RANBP2: variants seen among roughly 807,000 people sequenced by gnomAD.
RANBP2 encodes the protein E3 SUMO-protein ligase RanBP2.
Under a neutral mutation model 303.6 loss-of-function variants are expected in RANBP2, and 57 were observed. The ratio of observed to expected loss-of-function variants is 0.19; its 90% CI spans 0.15 to 0.23. RANBP2 has a LOEUF of 0.23. Among genes scored for constraint, RANBP2 ranks in the 10% least tolerant of loss-of-function variants. RANBP2 has a pLI of 1.00. For synonymous variants in RANBP2, 1,167 were observed against 1,301.5 expected (o/e 0.90, Z 2.23); for missense variants, 3,138 against 3,780.8 (o/e 0.83, Z 4.46).
At chr2:109,117,408 G>A in the RANBP2 span, among the ~76,000 whole-genome samples, 4 of 152,244 alleles carry the variant, frequency 2.6e-5, no homozygotes, top group African/African-American at 4.8e-5. Flanking sequence ...AGCAATCAGC[G>A]AGACTCCATG....
chr2:108,971,974 G>A, the RANBP2 span, among the ~76,000 whole-genome samples: 5 of 152,172 alleles, frequency 3.3e-5, no homozygotes, highest in Non-Finnish European at 7.3e-5. Context: ...GGGAGCTCCC[G>A]TGGCCCGGAG....
chr2:109,146,609 C>T, the RANBP2 span, among the ~76,000 whole-genome samples: 25 of 152,184 alleles, frequency 1.6e-4, no homozygotes, highest in Admixed American at 9.8e-4. Flanking sequence ...AGCCCTTCCT[C>T]CACCATGGGT....
the RANBP2 span, among the ~76,000 whole-genome samples, chr2:109,442,307 C>T: frequency 1.4e-5 from 2 of 138,452 alleles, no homozygotes; most frequent in African/African-American, 5.6e-5. Context: ...TGAGACTCCA[C>T]CTCAAAAAAA....
chr2:109,666,268 C>G, the RANBP2 span, among the ~76,000 whole-genome samples: 1 of 152,026 alleles, frequency 6.6e-6, no homozygotes, highest in African/African-American at 2.4e-5. Flanking sequence ...TTAAAACATA[C>G]TTAGGATGTG....
the RANBP2 span, among the ~76,000 whole-genome samples, chr2:108,871,592 A>G: frequency 6.6e-6 from 1 of 152,024 alleles, no homozygotes; most frequent in South Asian, 2.1e-4. Context: ...AAGCAAGATA[A>G]AAAACATTGT....
the RANBP2 span, among the ~76,000 whole-genome samples, chr2:109,693,338 GTTTT>G: frequency 6.6e-6 from 1 of 151,938 alleles, no homozygotes; most frequent in Non-Finnish European, 1.5e-5. Context: ...ATGCCCAGCT[GTTTT>G]TTTCTATTTT....
the RANBP2 span, among the ~76,000 whole-genome samples, chr2:109,480,747 C>T: frequency 6.6e-6 from 1 of 152,152 alleles, no homozygotes; most frequent in African/African-American, 2.4e-5. Flanking sequence ...CCTCCTGGAT[C>T]CCCTGGGCTC....
chr2:109,082,142 A>C, the RANBP2 span, among the ~76,000 whole-genome samples: 1 of 152,226 alleles, frequency 6.6e-6, no homozygotes, highest in Non-Finnish European at 1.5e-5. Context: ...AGATGTGTGC[A>C]GCTAATCAAC....
At chr2:109,640,538 C>T in the RANBP2 span, among the ~76,000 whole-genome samples, 37 of 152,306 alleles carry the variant, frequency 2.4e-4, no homozygotes, top group African/African-American at 8.4e-4. Context: ...ATCACTTTGA[C>T]CAGTAAGCAT....
chr2:109,494,390 G>GC, the RANBP2 span, among the ~76,000 whole-genome samples: 1 of 152,116 alleles, frequency 6.6e-6, no homozygotes, highest in Non-Finnish European at 1.5e-5. Context: ...CCCCAGAAGT[G>GC]CCCCCTCCCC....
At chr2:108,857,764 ATTAC>A in the RANBP2 span, among the ~76,000 whole-genome samples, 1 of 152,206 alleles carries the variant, frequency 6.6e-6, no homozygotes, top group East Asian at 1.9e-4. Context: ...GGGATCCAGT[ATTAC>A]TTAAGTGCCT....
chr2:109,557,892 G>A, the RANBP2 span, among the ~76,000 whole-genome samples: 1 of 148,088 alleles, frequency 6.8e-6, no homozygotes, highest in Admixed American at 6.9e-5. Context: ...TGTCATCCAG[G>A]CTGGATCATC....
chr2:109,389,615 G>T, the RANBP2 span, among the ~76,000 whole-genome samples: 3 of 152,218 alleles, frequency 2.0e-5, no homozygotes, highest in Non-Finnish European at 4.4e-5. Context: ...TCTGTGCAAA[G>T]AAGACATGAG....
chr2:109,558,729 G>A, the RANBP2 span, among the ~76,000 whole-genome samples: 1 of 152,060 alleles, frequency 6.6e-6, no homozygotes, highest in African/African-American at 2.4e-5. Context: ...GCAACAAAGA[G>A]GGCCAGGAAG....
the RANBP2 span, among the ~76,000 whole-genome samples, chr2:109,682,955 G>A: frequency 2.6e-5 from 4 of 152,008 alleles, no homozygotes; most frequent in Non-Finnish European, 4.4e-5. Context: ...TACCACCCCC[G>A]CTCAATCATC....
At chr2:109,027,103 G>T in the RANBP2 span, among the ~76,000 whole-genome samples, 3 of 152,112 alleles carry the variant, frequency 2.0e-5, no homozygotes, top group Non-Finnish European at 2.9e-5. Flanking sequence ...TTAGTTGAGC[G>T]TGGTGGTTCG....
At chr2:108,812,602 T>G in the RANBP2 span, 6 of 1,551,542 alleles carry the variant, frequency 3.9e-6, no homozygotes, top group Non-Finnish European at 5.3e-6. Flanking sequence ...AGGTGTATAT[T>G]GAAATATCTA....
the RANBP2 span, among the ~76,000 whole-genome samples, chr2:109,063,666 A>G: frequency 6.6e-6 from 1 of 152,144 alleles, no homozygotes; most frequent in African/African-American, 2.4e-5. Context: ...AGAGATACAG[A>G]TACCCATGCA....
At chr2:109,615,949 C>G in the RANBP2 span, 1 of 1,594,616 alleles carries the variant, frequency 6.3e-7, no homozygotes, top group South Asian at 1.2e-5. Context: ...ACCACACCCT[C>G]TTTCAGGGAC....
Sources: gnomAD v4.1 joint callset for allele counts (sites outside exome capture counted in the v4.1 genomes callset) on GRCh38, gnomAD v4.1.1 for gene constraint, MANE v1.5 for transcripts, NCBI Gene and HGNC (gene_info 2026-07-23, HGNC 2026-07-21) for gene names.